Variants in COL8A1 observed in about 807,000 individuals in gnomAD.
The protein encoded by COL8A1 is collagen alpha-1(VIII) chain.
Under a neutral mutation model 42.7 loss-of-function variants are expected in COL8A1, and 21 were observed. That is an observed-to-expected ratio of 0.49 (90% CI 0.35 to 0.71). The LOEUF (loss-of-function observed/expected upper bound fraction) is 0.71, where lower values mean the gene tolerates loss of function less well. Ranked by LOEUF, COL8A1 falls within the 30% of genes least tolerant of loss-of-function variation. COL8A1 has a pLI of 0.01. For synonymous variants in COL8A1, 367 were observed against 369.1 expected (o/e 0.99, Z 0.06); for missense variants, 788 against 962.4 (o/e 0.82, Z 2.40).
chr3:99,688,485 C>A (rs527624568), intron 1 of COL8A1, among the ~76,000 whole-genome samples: 30 of 152,238 alleles, frequency 2.0e-4, no homozygotes, highest in African/African-American at 7.2e-4. Flanking sequence ...TCTATAAGAA[C>A]CCTGGTGATC....
chr3:99,789,405 T>C (rs1305800076), intron 2 of COL8A1, among the ~76,000 whole-genome samples: 1 of 152,204 alleles, frequency 6.6e-6, no homozygotes, highest in East Asian at 1.9e-4. Context: ...TCCAGCATTA[T>C]GATGACATGT....
At chr3:99,709,576 A>G (rs901870022) in intron 1 of COL8A1, among the ~76,000 whole-genome samples, 1 of 152,160 alleles carries the variant, frequency 6.6e-6, no homozygotes, top group African/African-American at 2.4e-5. Context: ...TCAGGAACTA[A>G]TCTCACTCCA....
chr3:99,748,315 TATGAA>T (rs1026672134), intron 2 of COL8A1, among the ~76,000 whole-genome samples: 2 of 152,200 alleles, frequency 1.3e-5, no homozygotes, highest in African/African-American at 4.8e-5. Context: ...GTACTGAGCA[TATGAA>T]ATGTGGCTAG....
At chr3:99,736,389 TTTA>T (rs1940716153) in intron 1 of COL8A1, among the ~76,000 whole-genome samples, 1 of 152,102 alleles carries the variant, frequency 6.6e-6, no homozygotes, top group Non-Finnish European at 1.5e-5. Context: ...ATCTTTTTTT[TTTA>T]TTATTATACT....
chr3:99,641,872 T>C (rs1010199023), intron 1 of COL8A1, among the ~76,000 whole-genome samples: 5 of 152,026 alleles, frequency 3.3e-5, no homozygotes, highest in Admixed American at 2.0e-4. Flanking sequence ...GGTCTAACTA[T>C]TGAGTGAAAA....
intron 2 of COL8A1, among the ~76,000 whole-genome samples, chr3:99,769,692 G>A (rs1016338468): frequency 2.6e-5 from 4 of 152,178 alleles, no homozygotes; most frequent in African/African-American, 7.2e-5. Context: ...AGGCCAAGGC[G>A]GGTGGATCAC....
At chr3:99,733,849 T>A (rs2107388463) in intron 1 of COL8A1, among the ~76,000 whole-genome samples, 1 of 152,182 alleles carries the variant, frequency 6.6e-6, no homozygotes, top group South Asian at 2.1e-4. Context: ...TTCTAACTGG[T>A]GTGAGATGGT....
chr3:99,773,638 A>C (rs957812617), intron 2 of COL8A1, among the ~76,000 whole-genome samples: 8 of 151,006 alleles, frequency 5.3e-5, no homozygotes, highest in African/African-American at 1.7e-4. Context: ...TACTTTAACG[A>C]ATGCTGGAAA....
At chr3:99,714,937 G>T (rs35170022) in intron 1 of COL8A1, among the ~76,000 whole-genome samples, 11,743 of 152,088 alleles carry the variant, frequency 0.077, 567 homozygotes, top group Middle Eastern at 0.11. Context: ...AAAATTGAAA[G>T]AATAATATTC....
intron 1 of COL8A1, among the ~76,000 whole-genome samples, chr3:99,720,925 G>T (rs757035562): frequency 6.6e-6 from 1 of 152,108 alleles, no homozygotes; most frequent in African/African-American, 2.4e-5. Context: ...CCTTCATAGT[G>T]ATCCCCTTAC....
At chr3:99,696,044 G>A (rs9834254) in intron 1 of COL8A1, among the ~76,000 whole-genome samples, 20,082 of 152,202 alleles carry the variant, frequency 0.13, 1,501 homozygotes, top group South Asian at 0.19. Context: ...TGAGGCAGGA[G>A]AATTGCTTGA....
At chr3:99,672,265 A>G (rs1938568771) in intron 1 of COL8A1, among the ~76,000 whole-genome samples, 1 of 152,086 alleles carries the variant, frequency 6.6e-6, no homozygotes. Flanking sequence ...AATTTCTTAT[A>G]TGTAGGCAAC....
At chr3:99,733,988 A>G (rs1940615165) in intron 1 of COL8A1, among the ~76,000 whole-genome samples, 3 of 151,596 alleles carry the variant, frequency 2.0e-5, no homozygotes, top group Non-Finnish European at 2.9e-5. Flanking sequence ...CCACTTTTTG[A>G]TGGGGTTGTT....
At chr3:99,725,060 T>C (rs964670142) in intron 1 of COL8A1, among the ~76,000 whole-genome samples, 1 of 152,096 alleles carries the variant, frequency 6.6e-6, no homozygotes. Context: ...GCCTGGCATG[T>C]AAGACATCCT....
intron 1 of COL8A1, among the ~76,000 whole-genome samples, chr3:99,673,658 G>A (rs1938609390): frequency 6.6e-6 from 1 of 151,920 alleles, no homozygotes; most frequent in South Asian, 2.1e-4. Flanking sequence ...CACTCTGATT[G>A]TAAGATAATT....
intron 1 of COL8A1, among the ~76,000 whole-genome samples, chr3:99,654,953 C>A (rs1382756542): frequency 6.6e-6 from 1 of 151,958 alleles, no homozygotes; most frequent in Non-Finnish European, 1.5e-5. Context: ...CCATGCCAAC[C>A]TCATTTATTC....
intron 1 of COL8A1, among the ~76,000 whole-genome samples, chr3:99,733,039 G>A (rs144536164): frequency 2.4e-4 from 37 of 151,214 alleles, no homozygotes; most frequent in Non-Finnish European, 4.0e-4. Flanking sequence ...TCATGCCGAT[G>A]CAAAATGTCA....
chr3:99,727,571 C>A (rs535790357), intron 1 of COL8A1, among the ~76,000 whole-genome samples: 1 of 152,086 alleles, frequency 6.6e-6, no homozygotes, highest in East Asian at 1.9e-4. Flanking sequence ...ATAGGGAATC[C>A]TTTCCCCATT....
intron 1 of COL8A1, chr3:99,679,210 G>T (rs1344444231): frequency 6.6e-6 from 1 of 152,168 alleles, no homozygotes; most frequent in Non-Finnish European, 1.5e-5. Flanking sequence ...AATTGTCAAA[G>T]CCTAGGAAGA....
Sources: allele counts gnomAD v4.1 joint callset (sites outside exome capture counted in the v4.1 genomes callset), GRCh38; gene constraint gnomAD v4.1.1; transcripts MANE v1.5; gene names NCBI Gene and HGNC (gene_info 2026-07-23, HGNC 2026-07-21).